Variants in CAPN11 observed in about 807,000 individuals in gnomAD.
CAPN11 encodes the protein calpain-11.
Under a neutral mutation model 105.3 loss-of-function variants are expected in CAPN11, and 108 were observed. The ratio of observed to expected loss-of-function variants is 1.03; its 90% confidence interval spans 0.88 to 1.20. CAPN11 has a LOEUF of 1.20. Ranked by LOEUF, CAPN11 falls within the 50% of genes most tolerant of loss-of-function variation. The pLI is 0.00. For missense variants in CAPN11, 883 were observed against 924.8 expected, an observed-to-expected ratio of 0.95 and a Z score of 0.59; for synonymous variants, 329 against 344.5, an observed-to-expected ratio of 0.96 and a Z score of 0.50.
intron 5 of CAPN11, 52 bp from the exon 6 acceptor site, chr6:44,172,888 G>A (rs1412091485): frequency 1.9e-5 from 30 of 1,590,588 alleles, no homozygotes; most frequent in Non-Finnish European, 9.4e-6. Flanking sequence ...GCCACTAGGA[G>A]GCGCTTGATG....
rs1251431499 is a variant in CAPN11, at chr6:44,181,328, G to C, written c.1938+8G>C. On this transcript the variant is annotated splice_region_variant and intron_variant, in intron 19 of 22. Coordinates refer to ENST00000398776, the MANE Select transcript of CAPN11 (RefSeq NM_007058.4). ...AAACTCAAGAAATGGATGGTAAAGGGCACTAAAGGGGCAGCCTCCAGGGGT... is the reference window on the plus strand; with the variant it reads ...AAACTCAAGAAATGGATGGTAAAGGCCACTAAAGGGGCAGCCTCCAGGGGT... The C allele has an allele frequency of 6.8e-6, 11 of 1,612,506 alleles. No homozygotes were observed. Among genetic ancestry groups the C allele is most frequent in the Non-Finnish European group, 9.3e-6 (11 of 1,178,818 alleles).
intron 1 of CAPN11, among the ~76,000 whole-genome samples, chr6:44,160,335 T>C (rs1349617583): frequency 6.6e-6 from 1 of 151,754 alleles, no homozygotes; most frequent in African/African-American, 2.4e-5. Context: ...AAAAACGATC[T>C]GGCCGGGCGC....
intron 2 of CAPN11, among the ~76,000 whole-genome samples, chr6:44,168,108 C>G (rs966394454): frequency 6.6e-6 from 1 of 152,210 alleles, no homozygotes; most frequent in East Asian, 1.9e-4. Flanking sequence ...ACACCACAAC[C>G]AGTTTTAGAT....
intron 6 of CAPN11, 48 bp downstream of exon 6, chr6:44,173,121 A>G: frequency 6.2e-7 from 1 of 1,606,612 alleles, no homozygotes; most frequent in Non-Finnish European, 8.5e-7. Context: ...CTCTGTCTGG[A>G]CAGCTGGAAT....
At chr6:44,164,004 A>T (rs1190763603) in intron 1 of CAPN11, among the ~76,000 whole-genome samples, 4 of 151,736 alleles carry the variant, frequency 2.6e-5, no homozygotes, top group Non-Finnish European at 4.4e-5. Context: ...TGCCCAGTTA[A>T]TTTTTTTTAA....
chr6:44,175,703 C>T (rs1026012633), intron 7 of CAPN11, among the ~76,000 whole-genome samples: 7 of 148,926 alleles, frequency 4.7e-5, no homozygotes, highest in Non-Finnish European at 7.4e-5. Context: ...CTTGAACCTG[C>T]GAGGCAGAGG....
chr6:44,183,628 C>T, intron 21 of CAPN11, 77 bp from the exon 22 acceptor site: 1 of 1,386,964 alleles, frequency 7.2e-7, no homozygotes, highest in South Asian at 1.2e-5. Context: ...TCGCCCCTTC[C>T]TACCTAGTTG....
intron 22 of CAPN11, 22 bp from the exon 23 acceptor site, chr6:44,183,884 G>T (rs1274672270): frequency 6.4e-7 from 1 of 1,562,022 alleles, no homozygotes; most frequent in Admixed American, 1.9e-5. Flanking sequence ...CCCACCCTGG[G>T]ATCTGCTTCC....
At chr6:44,173,146 G>A (rs1269208057) in intron 6 of CAPN11, 72 bp from the exon 7 acceptor site, 1 of 1,603,316 alleles carries the variant, frequency 6.2e-7, no homozygotes, top group Non-Finnish European at 8.5e-7. Context: ...GGGAGGGGAG[G>A]GGGTAGCAGG....
At chr6:44,176,365 G>T (rs377645218) in intron 9 of CAPN11, 27 bp downstream of exon 9, 50 of 1,594,446 alleles carry the variant, frequency 3.1e-5, no homozygotes, top group Non-Finnish European at 4.2e-5. Flanking sequence ...CAGGTGAGGG[G>T]TGGTCGGAGG....
Position 44,181,051 on chromosome 6 carries a change from C to T in CAPN11, c.1869+54C>T, listed in dbSNP as rs1392865597. 4 of 1,512,028 alleles carry T rather than the reference C, an allele frequency of 2.6e-6. No homozygotes were observed. In the East Asian group the frequency reaches 9.0e-5, roughly 34 times the overall value. The allele number at this position is 1,512,028 out of a possible 1,614,324, so 93.7% of individuals were successfully genotyped here. A position where few individuals can be genotyped will look rare whatever the true frequency, so the allele number is the denominator to read the frequency against. ...CCTGTCCCCTGCCCACAAGCCTGGC[C>T]CAGAGATGGCCACCCTGGGCCAGCC... On this transcript the variant is annotated intron_variant, in intron 18 of 22. Coordinates refer to ENST00000398776, the MANE Select transcript of CAPN11 (RefSeq NM_007058.4).
intron 4 of CAPN11, among the ~76,000 whole-genome samples, chr6:44,171,088 G>A (rs1366717901): frequency 3.3e-5 from 5 of 152,164 alleles, no homozygotes; most frequent in South Asian, 2.1e-4. Context: ...TCACTTCTCC[G>A]AGGCACTCTA....
chr6:44,160,060 G>A (rs948299218), intron 1 of CAPN11, among the ~76,000 whole-genome samples: 6 of 151,846 alleles, frequency 4.0e-5, no homozygotes, highest in Non-Finnish European at 7.4e-5. Context: ...CTTGAACCCA[G>A]CAAGTGGAGG....
At chr6:44,161,887 T>C (rs146114931) in intron 1 of CAPN11, 291 of 456,194 alleles carry the variant, frequency 6.4e-4, no homozygotes, top group African/African-American at 4.4e-3. Flanking sequence ...TGGTTTGCCT[T>C]ATCGTGTGAA....
chr6:44,181,500 A>ATG (rs1561854033), intron 19 of CAPN11, among the ~76,000 whole-genome samples, 180 bp downstream of exon 19: 1 of 140,514 alleles, frequency 7.1e-6, no homozygotes, highest in Non-Finnish European at 1.6e-5. Context: ...CCACACACAC[A>ATG]CACACACACT....
In CAPN11 at chr6:44,179,660, C is replaced by A. The variant is rs748133843; in HGVS notation, c.1428+30C>A. On this transcript the variant is annotated intron_variant, in intron 13 of 22. Coordinates refer to ENST00000398776, the MANE Select transcript of CAPN11 (RefSeq NM_007058.4). ...AGAAGATAAAGATGTGGGGCTTGTTCCTGGACACATACCCACTCCACCCCT... is the reference window on the plus strand; with the variant it reads ...AGAAGATAAAGATGTGGGGCTTGTTACTGGACACATACCCACTCCACCCCT... 1.2e-6 allele frequency: 2 copies of A among 1,610,470 alleles called. 1 individual carries two copies. The highest frequency in any genetic ancestry group is 2.2e-5 in the South Asian group (2 of 91,002).
At chr6:44,182,909 T>C (rs1366335171) in intron 19 of CAPN11, 32 bp from the exon 20 acceptor site, 1 of 1,507,982 alleles carries the variant, frequency 6.6e-7, no homozygotes, top group Middle Eastern at 1.9e-4. Context: ...ATGCCATGCA[T>C]GTGGCCCTAC....
chr6:44,173,543 C>G (rs1043499344), intron 7 of CAPN11, among the ~76,000 whole-genome samples, 157 bp downstream of exon 7: 1 of 151,078 alleles, frequency 6.6e-6, no homozygotes, highest in Non-Finnish European at 1.5e-5. Flanking sequence ...CTAAAGTCGC[C>G]GTCCCCACCC....
chr6:44,172,793 G>C, intron 5 of CAPN11, 147 bp from the exon 6 acceptor site: 1 of 876,342 alleles, frequency 1.1e-6, no homozygotes, highest in East Asian at 2.7e-5. Context: ...AGGCGGGGCC[G>C]GGCTCAGGCT....
Sources: gnomAD v4.1 joint callset for allele counts (sites outside exome capture counted in the v4.1 genomes callset) on GRCh38, gnomAD v4.1.1 for gene constraint, MANE v1.5 for transcripts, NCBI Gene and HGNC (gene_info 2026-07-23, HGNC 2026-07-21) for gene names.